The following CMTM8 variants were observed in gnomAD, a reference collection of about 807,000 sequenced individuals.
CMTM8 encodes CKLF like MARVEL transmembrane domain containing 8.
In CMTM8, 12 loss-of-function variants were observed where a neutral mutation model predicts 18.6. The observed-to-expected ratio is 0.65, with a 90% CI of 0.41 to 1.05. The LOEUF (loss-of-function observed/expected upper bound fraction) is 1.05. Among genes scored for constraint, CMTM8 ranks in the 50% least tolerant of loss-of-function variants. The probability of loss-of-function intolerance (pLI) is 0.00; values close to 1 mark genes in which losing one functional copy is unlikely to be tolerated. For missense variants in CMTM8, 217 were observed against 227.2 expected (o/e 0.95, Z 0.29); for synonymous variants, 87 against 90.6 (o/e 0.96, Z 0.23).
chr3:32,318,713 C>T (rs1370706082), intron 1 of CMTM8, among the ~76,000 whole-genome samples: 1 of 151,480 alleles, frequency 6.6e-6, no homozygotes, highest in African/African-American at 2.4e-5. Context: ...ACTACAGGCA[C>T]CCGCCACCAC....
intron 1 of CMTM8, among the ~76,000 whole-genome samples, chr3:32,329,414 T>TAA (rs963387305): frequency 6.6e-6 from 1 of 152,142 alleles, no homozygotes; most frequent in Non-Finnish European, 1.5e-5. Context: ...TTCAACGTAG[T>TAA]AAAAGGATTA....
chr3:32,245,680 G>A (rs1473568931), intron 1 of CMTM8, among the ~76,000 whole-genome samples: 1 of 152,166 alleles, frequency 6.6e-6, no homozygotes, highest in Non-Finnish European at 1.5e-5. Context: ...GATAAATAGG[G>A]TTTACTGAGA....
intron 1 of CMTM8, among the ~76,000 whole-genome samples, chr3:32,250,716 C>T (rs530755340): frequency 6.6e-6 from 1 of 152,056 alleles, no homozygotes; most frequent in South Asian, 2.1e-4. Context: ...GGTTATAGAA[C>T]TCCAATTGAG....
intron 1 of CMTM8, among the ~76,000 whole-genome samples, chr3:32,322,080 T>A (rs2125578112): frequency 6.6e-6 from 1 of 152,326 alleles, no homozygotes; most frequent in South Asian, 2.1e-4. Context: ...ATGATGGAAT[T>A]CCCTTCTCAT....
chr3:32,330,480 T>TA, intron 1 of CMTM8, among the ~76,000 whole-genome samples: 1 of 152,166 alleles, frequency 6.6e-6, no homozygotes, highest in East Asian at 1.9e-4. Flanking sequence ...AAGGCCCTTT[T>TA]AAAAAATATG....
chr3:32,264,880 A>G (rs1575151171), intron 1 of CMTM8, among the ~76,000 whole-genome samples: 2 of 152,254 alleles, frequency 1.3e-5, no homozygotes, highest in South Asian at 4.1e-4. Context: ...TGGTAAAGGG[A>G]TCAATTCAAC....
chr3:32,361,290 T>TTTTTTTTGTTTTTTTGTTTTTTTG (rs1445278422), intron 2 of CMTM8, among the ~76,000 whole-genome samples: 1 of 69,990 alleles, frequency 1.4e-5, no homozygotes, highest in African/African-American at 4.1e-5. Flanking sequence ...CTAAGAGTTT[T>TTTTTTTTGTTTTTTTGTTTTTTTG]TTTTTCTTTC....
intron 2 of CMTM8, among the ~76,000 whole-genome samples, chr3:32,361,292 T>TTTTTGTTTTTTTG (rs1553608180): frequency 6.8e-6 from 1 of 146,118 alleles, no homozygotes; most frequent in Non-Finnish European, 1.5e-5. Flanking sequence ...AAGAGTTTTT[T>TTTTTGTTTTTTTG]TTTCTTTCAA....
intron 1 of CMTM8, among the ~76,000 whole-genome samples, chr3:32,332,875 C>T (rs1696307135): frequency 1.3e-5 from 2 of 152,116 alleles, no homozygotes; most frequent in African/African-American, 2.4e-5. Flanking sequence ...GCCTTTTATC[C>T]TCATTTCTTA....
chr3:32,252,975 C>CA (rs926539521), intron 1 of CMTM8, among the ~76,000 whole-genome samples: 55 of 152,050 alleles, frequency 3.6e-4, no homozygotes, highest in Non-Finnish European at 1.0e-4. Context: ...ATGATTTGAG[C>CA]AGTATGAATG....
intron 1 of CMTM8, among the ~76,000 whole-genome samples, chr3:32,240,584 C>T (rs1312173179): frequency 6.6e-6 from 1 of 152,138 alleles, no homozygotes; most frequent in Non-Finnish European, 1.5e-5. Context: ...CTGTGTACTG[C>T]GCTTTTTCAG....
intron 1 of CMTM8, among the ~76,000 whole-genome samples, chr3:32,319,074 A>ATATATATATTT: frequency 6.3e-5 from 2 of 31,526 alleles, no homozygotes; most frequent in Admixed American, 5.7e-4. Flanking sequence ...ATATATATAT[A>ATATATATATTT]TTTTTTTTTT....
intron 1 of CMTM8, among the ~76,000 whole-genome samples, chr3:32,314,308 A>T (rs1329830728): frequency 6.6e-6 from 1 of 152,000 alleles, no homozygotes; most frequent in Non-Finnish European, 1.5e-5. Context: ...TGGTTGGGGT[A>T]CCAGAGGATT....
chr3:32,336,666 C>A (rs1427211447), intron 1 of CMTM8, among the ~76,000 whole-genome samples: 1 of 152,204 alleles, frequency 6.6e-6, no homozygotes, highest in Non-Finnish European at 1.5e-5. Flanking sequence ...ACGTCTCTCT[C>A]CCACACAGAA....
chr3:32,334,130 C>T (rs924645333), intron 1 of CMTM8, among the ~76,000 whole-genome samples: 2 of 151,768 alleles, frequency 1.3e-5, no homozygotes, highest in African/African-American at 4.8e-5. Context: ...AGGCACGCAC[C>T]ACCATGCCCA....
chr3:32,367,904 G>A lies in CMTM8; in HGVS notation c.354G>A (p.Leu118=), dbSNP rs1457628853. Residue 118 remains leucine (L), a synonymous_variant, in exon 3 of 4, where the codon TTG becomes TTA. Transcript: ENST00000307526. ...GLCFNGSAFV[L]YLSAAVVDAS... ...GCTTTAACGGCAGTGCCTTCGTCTT[G>A]TACCTCTCTGCCGCTGTTGTAGATG... 2.5e-6 allele frequency: 4 copies of A among 1,614,082 alleles called. No homozygotes were observed.
intron 1 of CMTM8, among the ~76,000 whole-genome samples, chr3:32,312,295 T>C (rs1695834793): frequency 6.6e-6 from 1 of 152,146 alleles, no homozygotes; most frequent in African/African-American, 2.4e-5. Context: ...ATCCCTCAGA[T>C]AAAAAGTTTC....
chr3:32,294,653 T>G (rs1462036082), intron 1 of CMTM8, among the ~76,000 whole-genome samples: 1 of 152,224 alleles, frequency 6.6e-6, no homozygotes, highest in African/African-American at 2.4e-5. Context: ...CAGATAGGCA[T>G]TTAATAAACA....
At chr3:32,356,746 T>A (rs754238835) in intron 1 of CMTM8, among the ~76,000 whole-genome samples, 35 of 152,232 alleles carry the variant, frequency 2.3e-4, no homozygotes, top group Non-Finnish European at 4.3e-4. Context: ...CAGTCTCATT[T>A]CCTTGACAAA....
Sources: gnomAD v4.1 joint callset for allele counts (sites outside exome capture counted in the v4.1 genomes callset) on GRCh38, gnomAD v4.1.1 for gene constraint, MANE v1.5 for transcripts, NCBI Gene and HGNC (gene_info 2026-07-23, HGNC 2026-07-21) for gene names.